Variants in ABCA4 observed in about 807,000 individuals in gnomAD.
The protein encoded by ABCA4 is ATP binding cassette subfamily A member 4, also known as retinal-specific phospholipid-transporting ATPase ABCA4.
ABCA4 carries 196 observed loss-of-function variants against 263.7 expected under a neutral mutation model. That is an observed-to-expected ratio of 0.74 (90% confidence interval 0.66 to 0.84). ABCA4 has a LOEUF of 0.84. Among genes scored for constraint, ABCA4 ranks in the 40% least tolerant of loss-of-function variants. The probability of loss-of-function intolerance (pLI) is 0.00; values close to 1 mark genes in which losing one functional copy is unlikely to be tolerated. For synonymous variants in ABCA4, 1,133 were observed against 1,094.2 expected (o/e 1.04, Z -0.70); for missense variants, 2,792 against 2,855.1 (o/e 0.98, Z 0.50).
intron 5 of ABCA4, among the ~76,000 whole-genome samples, chr1:94,101,091 G>A (rs1446653731): frequency 1.3e-5 from 2 of 152,248 alleles, no homozygotes; most frequent in Admixed American, 6.5e-5. Flanking sequence ...GCACAACCTG[G>A]TGACCCCGGC....
chr1:94,095,845 T>C (rs1662112353), intron 6 of ABCA4, among the ~76,000 whole-genome samples: 1 of 150,862 alleles, frequency 6.6e-6, no homozygotes, highest in Admixed American at 6.7e-5. Flanking sequence ...AGATGTGTCC[T>C]GCTTCGGTTG....
intron 25 of ABCA4, 134 bp from the exon 26 acceptor site, chr1:94,036,922 ATCT>A (rs1243734106): frequency 1.0e-6 from 1 of 970,776 alleles, no homozygotes; most frequent in East Asian, 2.5e-5. Flanking sequence ...TGAGAACATC[ATCT>A]TCTATAAATA....
At chr1:94,113,767 A>C (rs1483936971) in intron 1 of ABCA4, among the ~76,000 whole-genome samples, 1 of 152,274 alleles carries the variant, frequency 6.6e-6, no homozygotes, top group Non-Finnish European at 1.5e-5. Context: ...AAAGCAGGGC[A>C]CACTGCCATG....
intron 47 of ABCA4, 83 bp from the exon 48 acceptor site, chr1:93,998,193 G>T: frequency 6.3e-7 from 1 of 1,598,702 alleles, no homozygotes; most frequent in Non-Finnish European, 8.6e-7. Flanking sequence ...AGACTCATCA[G>T]AAATTTTGGG....
At chr1:94,055,077 C>T (rs1299890217) in intron 16 of ABCA4, 34 bp downstream of exon 16, 1 of 1,592,636 alleles carries the variant, frequency 6.3e-7, no homozygotes, top group Non-Finnish European at 8.6e-7. Context: ...CTGAAGAACT[C>T]AATTACCTTT....
chr1:94,014,651 C>T lies in ABCA4; in HGVS notation c.5352G>A (p.Leu1784=). The part of the protein sequence containing the change: ...VIPMMYPASF[L]FDVPSTAYVA... The stretch of plus-strand genomic sequence containing the variant: ...CATAGGCTGTGCTGGGGACATCAAA[C>T]AGGAAGGATGCTGGGTACATCATGG... The change falls in exon 38 of 50, where the codon CTG becomes CTA. Residue 1784 remains leucine (L), a synonymous_variant. Coordinates refer to ENST00000370225, the MANE Select transcript of ABCA4 (RefSeq NM_000350.3). 1 of 1,614,156 alleles carries T rather than the reference C, an allele frequency of 6.2e-7. No homozygotes were observed. The highest frequency in any genetic ancestry group is 8.5e-7 in the Non-Finnish European group (1 of 1,180,030).
In ABCA4 at chr1:94,062,608, G is replaced by A. The variant is rs145961131; in HGVS notation, c.1906C>T (p.Gln636Ter). ...TCCACGAAGCAGGGGTAGGGCATCT[G>A]CTGGAGGTAGATTCCAACTGGAGCC... ...AEAPVGIYLQ[Q>*]MPYPCFVDDS... Residue 636 changes from glutamine (Q) to a stop codon, truncating the protein, a stop_gained, in exon 13 of 50, where the codon CAG becomes TAG. Coordinates refer to ENST00000370225, the MANE Select transcript of ABCA4 (RefSeq NM_000350.3). LOFTEE classifies it high-confidence loss of function. The A allele has an allele frequency of 9.4e-5, 151 of 1,614,022 alleles. No homozygotes were observed. Among genetic ancestry groups the A allele is most frequent in the Non-Finnish European group, 1.3e-4 (150 of 1,180,024 alleles).
intron 17 of ABCA4, 142 bp from the exon 18 acceptor site, chr1:94,049,099 C>T (rs1660767197): frequency 1.3e-6 from 1 of 742,372 alleles, no homozygotes; most frequent in African/African-American, 1.8e-5. Context: ...GTACTCAAGC[C>T]TGATCACACA....
intron 30 of ABCA4, among the ~76,000 whole-genome samples, chr1:94,025,886 C>T (rs1660028954): frequency 6.6e-6 from 1 of 152,144 alleles, no homozygotes; most frequent in African/African-American, 2.4e-5. Context: ...GTCCCCAGCA[C>T]CCAGAATAGT....
intron 6 of ABCA4, among the ~76,000 whole-genome samples, chr1:94,097,978 C>T (rs1360552045): frequency 6.6e-6 from 1 of 152,160 alleles, no homozygotes; most frequent in Non-Finnish European, 1.5e-5. Flanking sequence ...AGGATGGTCT[C>T]TATCTCCTGA....
chr1:94,042,684 T>A (rs1660524766), intron 22 of ABCA4, 77 bp downstream of exon 22: 1 of 1,592,522 alleles, frequency 6.3e-7, no homozygotes, highest in Non-Finnish European at 8.6e-7. Flanking sequence ...AGCTACAAAA[T>A]GGCAGGTGAG....
intron 21 of ABCA4, 83 bp from the exon 22 acceptor site, chr1:94,042,981 G>C: frequency 6.3e-7 from 1 of 1,581,750 alleles, no homozygotes; most frequent in Non-Finnish European, 8.7e-7. Flanking sequence ...GCATTGTGGG[G>C]GTACCTTAAC....
chr1:94,036,592 G>A (rs1170144798), intron 26 of ABCA4, 148 bp downstream of exon 26: 2 of 826,612 alleles, frequency 2.4e-6, no homozygotes, highest in Non-Finnish European at 4.2e-6. Context: ...GGCCAGGCTG[G>A]TCTCGAACTC....
chr1:94,063,192 G>A lies in ABCA4; in HGVS notation c.1680C>T (p.Thr560=). The change falls in exon 12 of 50, where the codon ACC becomes ACT. Residue 560 remains threonine (T), a synonymous_variant. Transcript: ENST00000370225. ...GVVFPDMYPW[T]SSLPPHVKYK... ...ACTTCACGTGGGGTGGTAGAGAGCT[G>A]GTCCAGGGATACATGTCAGGGAATA... The A allele has an allele frequency of 6.2e-7, 1 of 1,614,094 alleles. No individual in the cohort carries two copies. Among genetic ancestry groups the A allele is most frequent in the South Asian group, 1.1e-5 (1 of 91,086 alleles).
intron 6 of ABCA4, among the ~76,000 whole-genome samples, chr1:94,085,567 C>T (rs1225585919): frequency 1.3e-5 from 2 of 152,178 alleles, no homozygotes; most frequent in Non-Finnish European, 2.9e-5. Context: ...TAGCCCCCTC[C>T]CTTCCAATGC....
chr1:94,067,417 T>A (rs1427046656), intron 11 of ABCA4, among the ~76,000 whole-genome samples: 2 of 152,194 alleles, frequency 1.3e-5, no homozygotes, highest in East Asian at 3.9e-4. Context: ...GGCAGCTGAT[T>A]CATAGTCATG....
At chr1:94,000,791 G>A (rs774390649) in intron 47 of ABCA4, 45 bp downstream of exon 47, 14 of 1,582,180 alleles carry the variant, frequency 8.8e-6, no homozygotes, top group African/African-American at 2.7e-5. Context: ...GGATCCAGGT[G>A]GATCCACAGA....
Position 94,116,575 on chromosome 1 carries a change from G to A in ABCA4, c.67-3509C>T, listed in dbSNP as rs558967233. 3.9e-5 allele frequency among the ~76,000 whole-genome samples: 6 copies of A among 152,006 alleles called. No individual in the cohort carries two copies. In the East Asian group the frequency reaches 7.7e-4, roughly 20 times the overall value. ...TTTGTTTTTGGCGGGGGGCGGGGGC[G>A]GTTGCTGCATTTCACGCGTCACTCC... On this transcript the variant is annotated intron_variant, in intron 1 of 49. Transcript: ENST00000370225.
chr1:94,016,790 C>A (rs1020832177), intron 36 of ABCA4, among the ~76,000 whole-genome samples: 10 of 152,088 alleles, frequency 6.6e-5, no homozygotes, highest in Non-Finnish European at 1.0e-4. Context: ...GGCCTGGGAC[C>A]AATGGTGCTC....
Sources: gnomAD v4.1 joint callset for allele counts (sites outside exome capture counted in the v4.1 genomes callset) on GRCh38, gnomAD v4.1.1 for gene constraint, MANE v1.5 for transcripts, NCBI Gene and HGNC (gene_info 2026-07-23, HGNC 2026-07-21) for gene names.